Variants in MACF1 observed in about 807,000 individuals in gnomAD.
MACF1 encodes microtubule actin crosslinking factor 1, also known as microtubule-actin cross-linking factor 1.
Under a neutral mutation model 854.8 loss-of-function variants are expected in MACF1, and 193 were observed. The ratio of observed to expected loss-of-function variants is 0.23; its 90% confidence interval spans 0.20 to 0.25. MACF1 has a LOEUF of 0.25. Ranked by LOEUF, MACF1 falls within the 10% of genes least tolerant of loss-of-function variation. The pLI, the probability that MACF1 is intolerant of heterozygous loss-of-function variation, is 1.00. For synonymous variants in MACF1, 3,185 were observed against 3,226.7 expected, an observed-to-expected ratio of 0.99 and a Z score of 0.44; for missense variants, 7,722 against 8,929.1, an observed-to-expected ratio of 0.86 and a Z score of 5.45.
At chr1:39,484,877 G>C in intron 100 of MACF1, 147 bp downstream of exon 100, 1 of 872,820 alleles carries the variant, frequency 1.1e-6, no homozygotes, top group Non-Finnish European at 1.9e-6. Flanking sequence ...ATGCTCAAGT[G>C]ACCTTTACTT....
intron 14 of MACF1, 128 bp from the exon 15 acceptor site, chr1:39,287,158 A>T (rs1450112006): frequency 1.0e-6 from 1 of 1,000,198 alleles, no homozygotes. Context: ...ACGGGGTTTC[A>T]CCATGTTGTC....
chr1:39,302,197 T>C (rs1477896843), intron 22 of MACF1, among the ~76,000 whole-genome samples: 1 of 152,088 alleles, frequency 6.6e-6, no homozygotes, highest in Non-Finnish European at 1.5e-5. Context: ...GAGGTTTTAC[T>C]ATGTTGCCTA....
chr1:39,308,902 C>T (rs370134623), intron 23 of MACF1, among the ~76,000 whole-genome samples: 22 of 151,998 alleles, frequency 1.4e-4, no homozygotes, highest in African/African-American at 4.8e-4. Context: ...GTGATCTGCC[C>T]GCCTCAGCCT....
intron 34 of MACF1, 77 bp downstream of exon 34, chr1:39,324,422 C>T (rs1646571123): frequency 6.6e-7 from 1 of 1,514,378 alleles, no homozygotes; most frequent in Admixed American, 2.0e-5. Flanking sequence ...GTAGAAGTCA[C>T]ATGTGGGCCA....
chr1:39,249,597 G>A lies in MACF1; in HGVS notation c.172-417G>A, dbSNP rs144683323. 3.3e-3 allele frequency among the ~76,000 whole-genome samples: 497 copies of A among 152,246 alleles called. 7 individuals carry two copies. The highest frequency in any genetic ancestry group is 0.012 in the African/African-American group (485 of 41,542). On this transcript the variant is annotated intron_variant, in intron 2 of 100. Coordinates refer to ENST00000564288, the MANE Select transcript of MACF1 (RefSeq NM_001394062.1). ...GGAAATACACCCCAGGAAACACTGG[G>A]TGCCTAGCATTTAGTTTCCTTTGCA...
Position 39,084,557 on chromosome 1 carries a change from C to A in MACF1, c.220+119C>A, listed in dbSNP as rs2148114786. On this transcript the variant is annotated intron_variant, in intron 2 of 93. Coordinates refer to the MACF1 transcript ENST00000361689. The surrounding 1 kb of genome is among the most constrained non-coding windows in gnomAD (Gnocchi z 5.2). Reference sequence around the variant, plus strand: ...CCAGGGCCTCTGACAAAGCAGCCATCATCTGATTTGTTATTATTATTCTTG... The same window carrying A: ...CCAGGGCCTCTGACAAAGCAGCCATAATCTGATTTGTTATTATTATTCTTG... 1.3e-6 allele frequency: 1 copy of A among 776,392 alleles called. No individual in the cohort carries two copies. Among genetic ancestry groups the A allele is most frequent in the Non-Finnish European group, 2.0e-6 (1 of 489,644 alleles). The allele number at this position is 776,392 out of a possible 1,614,324, so 48.1% of individuals were successfully genotyped here. A position where few individuals can be genotyped will look rare whatever the true frequency, so the allele number is the denominator to read the frequency against.
intron 2 of MACF1, among the ~76,000 whole-genome samples, chr1:39,153,953 G>A (rs1643632524): frequency 6.6e-6 from 1 of 152,156 alleles, no homozygotes; most frequent in Non-Finnish European, 1.5e-5. Context: ...TTTTGTTACT[G>A]GCTCCTTAAG....
chr1:39,144,207 A>G (rs1021043579), intron 2 of MACF1, among the ~76,000 whole-genome samples: 2 of 151,366 alleles, frequency 1.3e-5, no homozygotes, highest in African/African-American at 2.4e-5. Context: ...CAGCCTCCCA[A>G]GTAGTTGGGA....
intron 2 of MACF1, among the ~76,000 whole-genome samples, chr1:39,095,386 C>A (rs1315714103): frequency 3.3e-5 from 5 of 149,842 alleles, no homozygotes; most frequent in Middle Eastern, 3.6e-3. Context: ...CATGGTGAAA[C>A]CCTGTCTCTA....
chr1:39,360,012 A>AAAAAATATAT (rs1557608845), intron 47 of MACF1, among the ~76,000 whole-genome samples: 1 of 28,832 alleles, frequency 3.5e-5, no homozygotes, highest in African/African-American at 1.2e-4. Flanking sequence ...AAAAAAAAAA[A>AAAAAATATAT]ATATATATAT....
intron 61 of MACF1, among the ~76,000 whole-genome samples, chr1:39,426,048 T>G (rs1403700976): frequency 6.6e-6 from 1 of 152,108 alleles, no homozygotes; most frequent in African/African-American, 2.4e-5. Context: ...TACAATAAAT[T>G]CTTCAAATTT....
chr1:39,406,085 A>G (rs1642687813), intron 58 of MACF1, among the ~76,000 whole-genome samples: 1 of 152,236 alleles, frequency 6.6e-6, no homozygotes, highest in South Asian at 2.1e-4. Context: ...GATTTTTTAA[A>G]AAGAGCAAAG....
At chr1:39,097,034 G>A (rs1351431711) in intron 2 of MACF1, among the ~76,000 whole-genome samples, 10 of 151,876 alleles carry the variant, frequency 6.6e-5, no homozygotes, top group East Asian at 5.8e-4. Context: ...CCACCACCAC[G>A]CCCGGCTAAT....
intron 58 of MACF1, among the ~76,000 whole-genome samples, chr1:39,394,315 T>C (rs941379147): frequency 5.3e-5 from 8 of 152,162 alleles, no homozygotes; most frequent in African/African-American, 1.9e-4. Flanking sequence ...CATCTTCATG[T>C]GCACATGAGA....
At chr1:39,171,917 C>T (rs149396340) in intron 2 of MACF1, among the ~76,000 whole-genome samples, 136 of 152,370 alleles carry the variant, frequency 8.9e-4, no homozygotes, top group African/African-American at 3.1e-3. Flanking sequence ...TGAGCCACCA[C>T]GCCCGGCCCA....
chr1:39,193,439 A>G (rs921952824), intron 2 of MACF1, among the ~76,000 whole-genome samples: 1 of 152,172 alleles, frequency 6.6e-6, no homozygotes, highest in Non-Finnish European at 1.5e-5. Context: ...AATACCACAC[A>G]TTACTTTCAC....
chr1:39,167,168 G>T (rs1221689804), intron 2 of MACF1, among the ~76,000 whole-genome samples: 1 of 151,352 alleles, frequency 6.6e-6, no homozygotes, highest in Non-Finnish European at 1.5e-5. Flanking sequence ...TGCCATGTTG[G>T]CCAGGCTTGT....
At chr1:39,278,758 G>T (rs986041040) in intron 6 of MACF1, among the ~76,000 whole-genome samples, 7 of 152,128 alleles carry the variant, frequency 4.6e-5, no homozygotes, top group African/African-American at 1.7e-4. Context: ...AAATAGAATT[G>T]GTACTAGGAA....
chr1:39,117,022 C>A (rs1456443796), intron 2 of MACF1, among the ~76,000 whole-genome samples: 1 of 152,156 alleles, frequency 6.6e-6, no homozygotes, highest in African/African-American at 2.4e-5. Flanking sequence ...GACAGAGAGG[C>A]TGTTGTGGAA....
Sources: allele counts gnomAD v4.1 joint callset (sites outside exome capture counted in the v4.1 genomes callset), GRCh38; gene constraint gnomAD v4.1.1; non-coding constraint Gnocchi (gnomAD v3.1); transcripts MANE v1.5; gene names NCBI Gene and HGNC (gene_info 2026-07-23, HGNC 2026-07-21).